The following CXXC1 variants were observed in gnomAD, a reference collection of about 807,000 sequenced individuals.
CXXC1 encodes CXXC-type zinc finger protein 1.
Under a neutral mutation model 83.6 loss-of-function variants are expected in CXXC1, and 21 were observed. The observed-to-expected ratio is 0.25, with a 90% CI of 0.18 to 0.36. The LOEUF is 0.36. Ranked by LOEUF, CXXC1 falls within the 10% of genes least tolerant of loss-of-function variation. The probability of loss-of-function intolerance (pLI) is 1.00; values close to 1 mark genes in which losing one functional copy is unlikely to be tolerated. For missense variants in CXXC1, 688 were observed against 919.5 expected, an observed-to-expected ratio of 0.75 and a Z score of 3.26; for synonymous variants, 371 against 337.5, an observed-to-expected ratio of 1.10 and a Z score of -1.09.
chr18:50,285,360 G>C lies in CXXC1; in HGVS notation c.640-9C>G. On this transcript the variant is annotated splice_polypyrimidine_tract_variant and intron_variant, in intron 5 of 14. Coordinates refer to ENST00000285106, the MANE Select transcript of CXXC1 (RefSeq NM_014593.4). The surrounding 1 kb of genome is among the most constrained non-coding windows in gnomAD (Gnocchi z 4.4). ...AAGTACTTGTACGATTCCTGTGCCG[G>C]CAGGAGGAAGGCCCAGGTCAGCCCC... 1 of 1,586,230 alleles carries C rather than the reference G, an allele frequency of 6.3e-7. No individual in the cohort carries two copies. Among genetic ancestry groups the C allele is most frequent in the Non-Finnish European group, 8.6e-7 (1 of 1,164,842 alleles).
In CXXC1 at chr18:50,283,009, G is replaced by GC; in HGVS notation, c.1672-4dup. 6.2e-7 allele frequency: 1 copy of GC among 1,613,806 alleles called. No individual in the cohort carries two copies. The highest frequency in any genetic ancestry group is 8.5e-7 in the Non-Finnish European group (1 of 1,179,998). ...CCGCATACCTCGTCAGCTGGCACCT[G>GC]CAAGGAGGCCAGGTTGGGGGGATGA... On this transcript the variant is annotated splice_polypyrimidine_tract_variant and splice_region_variant and intron_variant, in intron 13 of 14. Transcript: ENST00000285106.
chr18:50,283,030 G>T (rs756441694), intron 13 of CXXC1, 24 bp from the exon 14 acceptor site: 2 of 1,612,486 alleles, frequency 1.2e-6, no homozygotes, highest in African/African-American at 2.7e-5. Context: ...AGGTTGGGGG[G>T]ATGAATAGCG....
At chr18:50,286,477 T>C (rs540160394) in intron 3 of CXXC1, 62 bp downstream of exon 3, 4 of 1,389,094 alleles carry the variant, frequency 2.9e-6, no homozygotes, top group Admixed American at 3.4e-5. Context: ...TAACCCCCCC[T>C]TGTGGCTCCT....
Position 50,285,492 on chromosome 18 carries a change from C to G in CXXC1, c.640-141G>C. 8.7e-7 allele frequency: 1 copy of G among 1,152,998 alleles called. No homozygotes were observed. The highest frequency in any genetic ancestry group is 1.2e-6 in the Non-Finnish European group (1 of 824,960). 71.4% of individuals were successfully genotyped at this position (1,152,998 alleles called of 1,614,324 possible). A position where few individuals can be genotyped will look rare whatever the true frequency, so the allele number is the denominator to read the frequency against. On this transcript the variant is annotated intron_variant, in intron 5 of 14. Transcript: ENST00000285106. The surrounding 1 kb of genome is among the most constrained non-coding windows in gnomAD (Gnocchi z 4.4). ...TCATTGCCAGGAATGCTCAGCCCTG[C>G]CTGATCTGTACCAACATGCATGACC...
chr18:50,285,648 G>A lies in CXXC1; in HGVS notation c.639+101C>T. The A allele has an allele frequency of 7.0e-7, 1 of 1,427,094 alleles. No homozygotes were observed. The highest frequency in any genetic ancestry group is 9.6e-7 in the Non-Finnish European group (1 of 1,040,652). The allele number at this position is 1,427,094 out of a possible 1,614,324, so 88.4% of individuals were successfully genotyped here. A position where few individuals can be genotyped will look rare whatever the true frequency, so the allele number is the denominator to read the frequency against. On this transcript the variant is annotated intron_variant, in intron 5 of 14. Coordinates refer to ENST00000285106, the MANE Select transcript of CXXC1 (RefSeq NM_014593.4). This position sits in a 1 kb window ranked among gnomAD's most constrained non-coding sequence, Gnocchi z 4.4. The stretch of plus-strand genomic sequence containing the variant: ...TTCCCACCTGTCAGGATACAGTCAG[G>A]CCCAATCCCACCTGGTTTATCCATG...
At chr18:50,283,680 C>T (rs760032212) in intron 11 of CXXC1, 25 bp downstream of exon 11, 8 of 1,611,608 alleles carry the variant, frequency 5.0e-6, no homozygotes, top group Admixed American at 1.7e-5. Context: ...CCACATGGTC[C>T]GCCCCCTCAG....
At chr18:50,283,597 G>A (rs1350318231) in intron 11 of CXXC1, 33 bp from the exon 12 acceptor site, 1 of 1,613,122 alleles carries the variant, frequency 6.2e-7, no homozygotes, top group Admixed American at 1.7e-5. Context: ...AGGGAACTGT[G>A]GATGTGCGCT....
rs1369812643 is a variant in CXXC1 at position 50,284,111 on chromosome 18, A to C, written c.1206-10T>G. ...GATCTCGTAGATGCGGCTGCAGGGA[A>C]GGTAGCAAGCAACAGAATGAGTGAG... On this transcript the variant is annotated splice_polypyrimidine_tract_variant and intron_variant, in intron 9 of 14. Transcript: ENST00000285106. 1 of 1,600,546 alleles carries C rather than the reference A, an allele frequency of 6.2e-7. No homozygotes were observed. The highest frequency in any genetic ancestry group is 1.3e-5 in the African/African-American group (1 of 74,876).
Position 50,285,469 on chromosome 18 carries a change from A to G in CXXC1, c.640-118T>C, listed in dbSNP as rs975039031. ...CAGACACACCTCCCCGCTACCCCTC[A>G]TTGCCAGGAATGCTCAGCCCTGCCT... On this transcript the variant is annotated intron_variant, in intron 5 of 14. Coordinates refer to ENST00000285106, the MANE Select transcript of CXXC1 (RefSeq NM_014593.4). This position sits in a 1 kb window ranked among gnomAD's most constrained non-coding sequence, Gnocchi z 4.4. 50 of 1,248,890 alleles carry G rather than the reference A, an allele frequency of 4.0e-5. No homozygotes were observed. In the African/African-American group the frequency reaches 5.0e-4, roughly 13 times the overall value. 77.4% of individuals were successfully genotyped at this position (1,248,890 alleles called of 1,614,324 possible).
chr18:50,286,745 G>A lies in CXXC1; in HGVS notation c.117C>T (p.Phe39=). ...CCCATCTCTCCCGCGCTCACATCAT[G>A]AAGCAGTTGATGTCCGGTTTGCGGC... ...CICRKPDINC[F]MIGCDNCNEW... Residue 39 remains phenylalanine (F), a synonymous_variant, in exon 2 of 15, where the codon TTC becomes TTT. Coordinates refer to ENST00000285106, the MANE Select transcript of CXXC1 (RefSeq NM_014593.4). 2 of 1,612,724 alleles carry A rather than the reference G, an allele frequency of 1.2e-6. No homozygotes were observed. Among genetic ancestry groups the A allele is most frequent in the Non-Finnish European group, 1.7e-6 (2 of 1,178,654 alleles).
chr18:50,286,716 C>G, intron 2 of CXXC1, 24 bp downstream of exon 2: 1 of 1,610,472 alleles, frequency 6.2e-7, no homozygotes, highest in Non-Finnish European at 8.5e-7. Context: ...CAGTGTCAGC[C>G]CCGCCCATCT....
At chr18:50,284,611 G>T in intron 8 of CXXC1, 49 bp from the exon 9 acceptor site, 1 of 1,586,452 alleles carries the variant, frequency 6.3e-7, no homozygotes. Flanking sequence ...GTCAGCCCCA[G>T]ACCCCAGACC....
At position 50,286,142 on chromosome 18, in the gene CXXC1, G is replaced by A. The variant is rs1292697983; in HGVS notation, c.339C>T (p.Val113=). ...CCCGGCGCTGCAGGTCTGGATCAGG[G>A]ACAGGCCTCTTGCGCCCTCCACCCT... is the stretch of plus-strand genomic sequence containing the variant. ...RDEGGGRKRP[V]PDPDLQRRAG... is the part of the protein sequence containing the mutation. The change falls in exon 4 of 15, where the codon GTC becomes GTT. Residue 113 remains valine, a synonymous_variant. Transcript: ENST00000285106. The A allele has an allele frequency of 1.2e-6, 2 of 1,613,986 alleles. No homozygotes were observed. The highest frequency in any genetic ancestry group is 1.6e-4 in the Middle Eastern group (1 of 6,062).
Position 50,283,969 on chromosome 18 carries a change from T to C in CXXC1, c.1338A>G (p.Glu446=), listed in dbSNP as rs541347910. 7 of 1,613,840 alleles carry C rather than the reference T, an allele frequency of 4.3e-6. No homozygotes were observed. In the African/African-American group the frequency reaches 9.3e-5, roughly 22 times the overall value. ...CAAGCTCATGGAATCGGCGTTCCATTTCCTGAAGGCGAGTGCGGGCACTCT... is the reference window on the plus strand; with the variant it reads ...CAAGCTCATGGAATCGGCGTTCCATCTCCTGAAGGCGAGTGCGGGCACTCT... The part of the protein sequence containing the change: ...EQQSARTRLQ[E]MERRFHELEA... The change falls in exon 10 of 15, where the codon GAA becomes GAG. Residue 446 remains glutamate, a synonymous_variant. Coordinates refer to ENST00000285106, the MANE Select transcript of CXXC1 (RefSeq NM_014593.4).
chr18:50,283,289 G>A lies in CXXC1; in HGVS notation c.1647C>T (p.Cys549=), dbSNP rs2040621309. ...KTYCKRLQVL[C]PEHSRDPKVP... ...CTTTGGGGTCCCGTGAGTGCTCGGG[G>A]CACAGCACCTGGAGCCGCTTACAGT... Residue 549 remains cysteine (C), a synonymous_variant, in exon 13 of 15, where the codon TGC becomes TGT. Coordinates refer to ENST00000285106, the MANE Select transcript of CXXC1 (RefSeq NM_014593.4). 6.2e-7 allele frequency: 1 copy of A among 1,613,918 alleles called. No homozygotes were observed. Among genetic ancestry groups the A allele is most frequent in the African/African-American group, 1.3e-5 (1 of 74,878 alleles).
Position 50,283,789 on chromosome 18 carries a change from T to G in CXXC1, c.1440A>C (p.Thr480=), listed in dbSNP as rs2040667621. The change falls in exon 11 of 15, where the codon ACA becomes ACC. Residue 480 remains threonine (T), a synonymous_variant. Transcript: ENST00000285106. ...EESNEGDSDD[T]DLQIFCVSCG... ...AGGAAACACAGAAGATCTGCAGGTCTGTGTCATCACTGTCACCCTCGTTGC... is the reference window on the plus strand; with the variant it reads ...AGGAAACACAGAAGATCTGCAGGTCGGTGTCATCACTGTCACCCTCGTTGC... 6.2e-7 allele frequency: 1 copy of G among 1,614,226 alleles called. No individual in the cohort carries two copies. Among genetic ancestry groups the G allele is most frequent in the Non-Finnish European group, 8.5e-7 (1 of 1,180,030 alleles).
chr18:50,284,701 C>CT, intron 8 of CXXC1, 31 bp downstream of exon 8: 1 of 1,610,716 alleles, frequency 6.2e-7, no homozygotes, highest in South Asian at 1.1e-5. Context: ...CACCCTCTGC[C>CT]TTTCCACATC....
intron 13 of CXXC1, 118 bp downstream of exon 13, chr18:50,283,147 A>T (rs1162600252): frequency 1.6e-6 from 2 of 1,264,020 alleles, no homozygotes; most frequent in Non-Finnish European, 2.3e-6. Flanking sequence ...AGGGTGAAGC[A>T]GCAGGGAAGC....
Position 50,287,636 on chromosome 18 carries a change from C to T in CXXC1, c.-47G>A. On this transcript the variant is annotated 5_prime_UTR_variant, in exon 1 of 15. Coordinates refer to ENST00000285106, the MANE Select transcript of CXXC1 (RefSeq NM_014593.4). ...CCTCACGACCCCCGCCAGCGACCCG[C>T]GAACCTGCACAGACCACTCGGCGGC... The T allele has an allele frequency of 1.9e-6, 3 of 1,607,608 alleles. No individual in the cohort carries two copies. Among genetic ancestry groups the T allele is most frequent in the Non-Finnish European group, 2.5e-6 (3 of 1,179,514 alleles).
Sources: gnomAD v4.1 joint callset for allele counts on GRCh38, gnomAD v4.1.1 for gene constraint, Gnocchi (gnomAD v3.1) non-coding constraint, MANE v1.5 for transcripts, NCBI Gene and HGNC (gene_info 2026-07-23, HGNC 2026-07-21) for gene names.